Variants in PALM2AKAP2 observed in about 807,000 individuals in gnomAD.
PALM2AKAP2 encodes the protein PALM2-AKAP2 fusion protein.
A neutral mutation model predicts 71.5 loss-of-function variants in PALM2AKAP2; 37 were observed. The observed-to-expected ratio is 0.52, with a 90% confidence interval of 0.40 to 0.68. PALM2AKAP2 has a LOEUF of 0.68. Ranked by LOEUF, PALM2AKAP2 falls within the 30% of genes least tolerant of loss-of-function variation. PALM2AKAP2 has a pLI of 0.00. For synonymous variants in PALM2AKAP2, 468 were observed against 478.8 expected (o/e 0.98, Z 0.29); for missense variants, 1,224 against 1,191.8 (o/e 1.03, Z -0.40).
chr9:109,986,907 C>T (rs964930870), intron 6 of PALM2AKAP2, among the ~76,000 whole-genome samples: 3 of 152,182 alleles, frequency 2.0e-5, no homozygotes, highest in Non-Finnish European at 4.4e-5. Context: ...TTATTTTGTG[C>T]AGCAGTTCAT....
chr9:109,880,170 A>G (rs960704328), intron 2 of PALM2AKAP2, among the ~76,000 whole-genome samples: 18 of 152,210 alleles, frequency 1.2e-4, no homozygotes, highest in African/African-American at 4.1e-4. Context: ...TTGCATAGAA[A>G]AATGTTCTTA....
At chr9:109,900,134 C>T (rs1007145217) in intron 3 of PALM2AKAP2, among the ~76,000 whole-genome samples, 30 of 152,278 alleles carry the variant, frequency 2.0e-4, no homozygotes, top group South Asian at 1.0e-3. Flanking sequence ...TCTCTGTAAG[C>T]GTTTCCAGTG....
intron 1 of PALM2AKAP2, among the ~76,000 whole-genome samples, chr9:110,123,348 C>A (rs1835531525): frequency 6.6e-6 from 1 of 152,122 alleles, no homozygotes; most frequent in Non-Finnish European, 1.5e-5. Context: ...TGTTCCAGGC[C>A]CCTCTCCTTG....
chr9:109,866,120 G>T (rs1288556769), intron 1 of PALM2AKAP2, among the ~76,000 whole-genome samples: 1 of 152,172 alleles, frequency 6.6e-6, no homozygotes, highest in Non-Finnish European at 1.5e-5. Flanking sequence ...CTAATATTTT[G>T]TAAGGTCTGG....
chr9:110,118,758 C>G (rs529397340), intron 1 of PALM2AKAP2, among the ~76,000 whole-genome samples: 1 of 152,302 alleles, frequency 6.6e-6, no homozygotes, highest in South Asian at 2.1e-4. Context: ...CACCTGATGT[C>G]CAGTGACTCC....
chr9:110,086,566 G>A (rs1159704683), intron 1 of PALM2AKAP2, among the ~76,000 whole-genome samples: 4 of 152,156 alleles, frequency 2.6e-5, no homozygotes, highest in African/African-American at 9.7e-5. Flanking sequence ...TGTACCTGTG[G>A]GCATTGGGCT....
At chr9:109,684,974 T>C (rs1827787517) in intron 1 of PALM2AKAP2, among the ~76,000 whole-genome samples, 1 of 152,086 alleles carries the variant, frequency 6.6e-6, no homozygotes, top group Non-Finnish European at 1.5e-5. Context: ...ACCATAAAAA[T>C]AAATAAATTA....
chr9:110,057,262 C>G (rs568196658), intron 1 of PALM2AKAP2, among the ~76,000 whole-genome samples: 93 of 151,954 alleles, frequency 6.1e-4, no homozygotes, highest in Non-Finnish European at 1.2e-3. Flanking sequence ...TAGTCACCAG[C>G]ATTTTTCAAA....
chr9:110,027,606 G>A (rs1029185971), intron 7 of PALM2AKAP2, among the ~76,000 whole-genome samples: 28 of 152,154 alleles, frequency 1.8e-4, no homozygotes, highest in Middle Eastern at 3.2e-3. Context: ...CTGTAAAACC[G>A]TTTGAAAAGG....
In PALM2AKAP2 at chr9:110,010,906, G is replaced by T. The variant is rs568013986; in HGVS notation, c.497-5048G>T. Reference sequence around the variant, plus strand: ...AGCTACTCAGGAGGCTGAGGCAGGAGAATTGCTTGAACCTGGGAGGCGGAG... The same window carrying T: ...AGCTACTCAGGAGGCTGAGGCAGGATAATTGCTTGAACCTGGGAGGCGGAG... On this transcript the variant is annotated intron_variant, in intron 6 of 9. Coordinates refer to the PALM2AKAP2 transcript ENST00000302798. Among the ~76,000 whole-genome samples the T allele has an allele frequency of 1.4e-5, 2 of 144,224 alleles. 1 individual carries two copies. Among genetic ancestry groups the T allele is most frequent in the South Asian group, 4.3e-4 (2 of 4,612 alleles). 94.6% of individuals were successfully genotyped at this position (144,224 alleles called of 152,430 possible).
chr9:110,014,798 AAAAAAATGTATATATAT>A lies in PALM2AKAP2; in HGVS notation c.497-1154_497-1138del, dbSNP rs1564260425. Reference sequence around the variant, plus strand: ...CTGTCTCAAAAAAAAAAAAAAAAAAAAAAAAATGTATATATATATATATATATATATATATATATATA... The same window carrying A: ...CTGTCTCAAAAAAAAAAAAAAAAAAAATATATATATATATATATATATATA... On this transcript the variant is annotated intron_variant, in intron 6 of 9. Transcript: ENST00000302798. Among the ~76,000 whole-genome samples the A allele has an allele frequency of 4.7e-4, 27 of 57,162 alleles. 1 individual carries two copies. The highest frequency in any genetic ancestry group is 1.7e-3 in the African/African-American group (26 of 14,996). The allele number at this position is 57,162 out of a possible 152,430, so 37.5% of individuals were successfully genotyped here.
intron 3 of PALM2AKAP2, among the ~76,000 whole-genome samples, chr9:109,902,485 C>T (rs2131855027): frequency 6.6e-6 from 1 of 152,350 alleles, no homozygotes; most frequent in African/African-American, 2.4e-5. Flanking sequence ...CCCTGAAAGG[C>T]CATACAGTGA....
At chr9:110,084,643 A>G (rs1834520039) in intron 1 of PALM2AKAP2, among the ~76,000 whole-genome samples, 2 of 152,328 alleles carry the variant, frequency 1.3e-5, no homozygotes, top group African/African-American at 4.8e-5. Flanking sequence ...ATGCTGTGTA[A>G]ATAGTTTTTA....
At chr9:109,702,607 G>A (rs567832537) in intron 1 of PALM2AKAP2, among the ~76,000 whole-genome samples, 2 of 151,384 alleles carry the variant, frequency 1.3e-5, no homozygotes, top group Admixed American at 6.6e-5. Flanking sequence ...GTGGGGGTAG[G>A]GGGGAGGGAT....
At chr9:110,142,068 CT>C (rs994621645) in intron 2 of PALM2AKAP2, among the ~76,000 whole-genome samples, 644 of 121,834 alleles carry the variant, frequency 5.3e-3, no homozygotes, top group African/African-American at 7.2e-3. Flanking sequence ...TCTTATTTTA[CT>C]TTTTTTTTTT....
chr9:109,764,371 G>A (rs570568131), intron 1 of PALM2AKAP2, among the ~76,000 whole-genome samples: 3 of 151,414 alleles, frequency 2.0e-5, no homozygotes, highest in Non-Finnish European at 2.9e-5. Context: ...AACACACTGC[G>A]CTCTTTTACA....
chr9:109,665,995 C>A (rs1827477989), intron 1 of PALM2AKAP2, among the ~76,000 whole-genome samples: 1 of 152,246 alleles, frequency 6.6e-6, no homozygotes. Context: ...AGGTGCACAG[C>A]CAGGTACGGG....
intron 1 of PALM2AKAP2, among the ~76,000 whole-genome samples, chr9:110,091,872 T>G (rs1834723693): frequency 6.6e-6 from 1 of 152,218 alleles, no homozygotes; most frequent in African/African-American, 2.4e-5. Flanking sequence ...ACAATCAAGA[T>G]AAAGAACAGT....
chr9:109,952,529 G>A (rs1004845936), intron 6 of PALM2AKAP2, among the ~76,000 whole-genome samples: 20 of 152,234 alleles, frequency 1.3e-4, no homozygotes, highest in African/African-American at 3.1e-4. Context: ...TGCTCAAACC[G>A]CCAGGTTAAG....
Sources: allele counts gnomAD v4.1 joint callset (sites outside exome capture counted in the v4.1 genomes callset), GRCh38; gene constraint gnomAD v4.1.1; transcripts MANE v1.5; gene names NCBI Gene and HGNC (gene_info 2026-07-23, HGNC 2026-07-21).